Variants in MKLN1 observed in about 807,000 individuals in gnomAD.
The protein encoded by MKLN1 is muskelin.
MKLN1 carries 18 observed loss-of-function variants against 99.0 expected under a neutral mutation model. The ratio of observed to expected loss-of-function variants is 0.18; its 90% confidence interval spans 0.13 to 0.27. The LOEUF is 0.27. MKLN1 is among the 10% of genes least tolerant of loss of function. The pLI is 1.00. For missense variants in MKLN1, 621 were observed against 875.9 expected (o/e 0.71, Z 3.67); for synonymous variants, 288 against 293.2 (o/e 0.98, Z 0.18).
chr7:131,231,386 C>G (rs1339733595), intron 3 of MKLN1, among the ~76,000 whole-genome samples: 2 of 152,112 alleles, frequency 1.3e-5, no homozygotes, highest in South Asian at 4.1e-4. Context: ...CAGCCTGAAG[C>G]ACTTGGCTCC....
intron 3 of MKLN1, among the ~76,000 whole-genome samples, chr7:131,260,509 A>G (rs1797716686): frequency 6.6e-6 from 1 of 152,222 alleles, no homozygotes; most frequent in South Asian, 2.1e-4. Flanking sequence ...GCTCATGGAT[A>G]GAAAAAATCA....
intron 1 of MKLN1, among the ~76,000 whole-genome samples, chr7:131,369,809 G>A (rs896036844): frequency 2.6e-5 from 4 of 152,088 alleles, no homozygotes; most frequent in Non-Finnish European, 1.5e-5. Context: ...ATGTATATGT[G>A]TATGTTTAGA....
chr7:131,159,491 T>TC (rs1796015640), intron 2 of MKLN1, among the ~76,000 whole-genome samples: 1 of 152,144 alleles, frequency 6.6e-6, no homozygotes, highest in Non-Finnish European at 1.5e-5. Context: ...TCAAATGTTC[T>TC]CACTCATATC....
chr7:131,161,819 G>A (rs1370281436), intron 2 of MKLN1, among the ~76,000 whole-genome samples: 2 of 151,920 alleles, frequency 1.3e-5, no homozygotes, highest in African/African-American at 4.8e-5. Flanking sequence ...GATTACAGGC[G>A]TGAGCCACAA....
At chr7:131,237,584 C>T (rs993493888) in intron 3 of MKLN1, among the ~76,000 whole-genome samples, 3 of 152,096 alleles carry the variant, frequency 2.0e-5, no homozygotes, top group Non-Finnish European at 4.4e-5. Flanking sequence ...AAATATTAGG[C>T]TGTATAATCG....
intron 3 of MKLN1, among the ~76,000 whole-genome samples, chr7:131,283,135 A>T (rs1798076324): frequency 6.6e-6 from 1 of 152,162 alleles, no homozygotes; most frequent in Non-Finnish European, 1.5e-5. Flanking sequence ...CATTATACAG[A>T]TCAAACTTTT....
At position 131,487,574 on chromosome 7, in the gene MKLN1, A is replaced by G; in HGVS notation, c.2087-33A>G. ...AGTTTTTCTGTTACATGTTTTAAACACAATGGATGTTTCTTTGTATCTTCT... is the reference window on the plus strand; with the variant it reads ...AGTTTTTCTGTTACATGTTTTAAACGCAATGGATGTTTCTTTGTATCTTCT... On this transcript the variant is annotated intron_variant, in intron 17 of 17. Coordinates refer to ENST00000352689, the MANE Select transcript of MKLN1 (RefSeq NM_013255.5). This position sits in a 1 kb window ranked among gnomAD's most constrained non-coding sequence, Gnocchi z 4.7. The G allele has an allele frequency of 6.2e-7, 1 of 1,602,004 alleles. No individual in the cohort carries two copies. The highest frequency in any genetic ancestry group is 8.5e-7 in the Non-Finnish European group (1 of 1,175,870).
At chr7:131,142,907 T>G (rs1795757852) in exon 2 of MKLN1, 12 of 1,305,146 alleles carry the variant, frequency 9.2e-6, no homozygotes, top group Non-Finnish European at 1.2e-5. Flanking sequence ...ATTCATAACC[T>G]GCTCCATGCT....
chr7:131,428,271 G>A (rs1795418489), intron 8 of MKLN1, among the ~76,000 whole-genome samples: 1 of 151,990 alleles, frequency 6.6e-6, no homozygotes, highest in South Asian at 2.1e-4. Context: ...TTTTGTCAGC[G>A]GTAAAGTCTG....
At chr7:131,394,158 A>G (rs1238248306) in intron 4 of MKLN1, among the ~76,000 whole-genome samples, 4 of 152,102 alleles carry the variant, frequency 2.6e-5, no homozygotes, top group Non-Finnish European at 5.9e-5. Flanking sequence ...TTGTTAAAAA[A>G]AAACTTTTTG....
chr7:131,112,380 A>G (rs762130414), intron 1 of MKLN1, among the ~76,000 whole-genome samples: 1 of 152,252 alleles, frequency 6.6e-6, no homozygotes, highest in Non-Finnish European at 1.5e-5. Context: ...ATATCTATCC[A>G]TAGGAACCTT....
chr7:131,414,500 C>T (rs1307464631), intron 7 of MKLN1, 145 bp from the exon 8 acceptor site: 1 of 492,584 alleles, frequency 2.0e-6, no homozygotes, highest in Non-Finnish European at 3.6e-6. Flanking sequence ...CATACTGTTA[C>T]TTTTATGAGT....
At chr7:131,227,453 TTC>T (rs1050234958) in intron 3 of MKLN1, among the ~76,000 whole-genome samples, 3 of 150,288 alleles carry the variant, frequency 2.0e-5, no homozygotes, top group Admixed American at 6.7e-5. Flanking sequence ...CTCTTTTCTC[TTC>T]TTTGTTTCTT....
At chr7:131,317,049 G>A (rs1203225825) in intron 3 of MKLN1, among the ~76,000 whole-genome samples, 1 of 152,140 alleles carries the variant, frequency 6.6e-6, no homozygotes, top group Non-Finnish European at 1.5e-5. Flanking sequence ...ATATTATCCA[G>A]AACTTCCCCA....
intron 3 of MKLN1, among the ~76,000 whole-genome samples, chr7:131,287,836 A>G (rs1455027320): frequency 1.3e-5 from 2 of 152,020 alleles, no homozygotes; most frequent in Non-Finnish European, 2.9e-5. Context: ...TTCTCGTGAT[A>G]GTGAGTGAGT....
chr7:131,464,478 T>C, intron 14 of MKLN1, 70 bp downstream of exon 14: 1 of 858,840 alleles, frequency 1.2e-6, no homozygotes, highest in Admixed American at 2.0e-5. Flanking sequence ...AATATATCTT[T>C]GATTGTTTTA....
At chr7:131,175,185 CAGATAGATAGAT>C (rs72403035) in intron 2 of MKLN1, among the ~76,000 whole-genome samples, 17 of 140,812 alleles carry the variant, frequency 1.2e-4, no homozygotes, top group African/African-American at 4.4e-4. Flanking sequence ...GATAGATAGA[CAGATAGATAGAT>C]AGATAGATAG....
intron 1 of MKLN1, among the ~76,000 whole-genome samples, chr7:131,370,035 A>G (rs1310010323): frequency 6.6e-6 from 1 of 152,094 alleles, no homozygotes; most frequent in African/African-American, 2.4e-5. Flanking sequence ...ACGGGGTTTC[A>G]CCATGTTAGC....
intron 1 of MKLN1, among the ~76,000 whole-genome samples, chr7:131,138,046 C>G (rs2116249447): frequency 6.6e-6 from 1 of 151,576 alleles, no homozygotes; most frequent in South Asian, 2.1e-4. Flanking sequence ...CTGCCTCAAT[C>G]TCATGAGTAG....
Sources: allele counts gnomAD v4.1 joint callset (sites outside exome capture counted in the v4.1 genomes callset), GRCh38; gene constraint gnomAD v4.1.1; non-coding constraint Gnocchi (gnomAD v3.1); transcripts MANE v1.5; gene names NCBI Gene and HGNC (gene_info 2026-07-23, HGNC 2026-07-21).